The following COL5A1 variants were observed in gnomAD, a reference collection of about 807,000 sequenced individuals.
COL5A1 encodes collagen type V alpha 1 chain, also known as collagen alpha-1(V) chain.
In COL5A1, 16 loss-of-function variants were observed where a neutral mutation model predicts 263.7. The ratio of observed to expected loss-of-function variants is 0.06; its 90% confidence interval spans 0.04 to 0.09. The LOEUF (loss-of-function observed/expected upper bound fraction) is 0.09, where lower values mean the gene tolerates loss of function less well. COL5A1 is among the 10% of genes least tolerant of loss of function. COL5A1 has a pLI of 1.00. For synonymous variants in COL5A1, 1,012 were observed against 1,004.5 expected, an observed-to-expected ratio of 1.01 and a Z score of -0.14; for missense variants, 2,036 against 2,540.5, an observed-to-expected ratio of 0.80 and a Z score of 4.27.
rs372857096 is a variant in COL5A1 at position 134,842,572 on chromosome 9, C to T, written c.*269C>T. On this transcript the variant is annotated 3_prime_UTR_variant, in exon 66 of 66. Coordinates refer to ENST00000371817, the MANE Select transcript of COL5A1 (RefSeq NM_000093.5). The surrounding 1 kb of genome is among the most constrained non-coding windows in gnomAD (Gnocchi z 5.8). ...GCCCCACGCTCTGTCCACACCCACG[C>T]GCCCCGGGAGCGGGGCCATGCCTCC... 5,542 of 561,556 alleles carry T rather than the reference C, an allele frequency of 9.9e-3. 65 individuals carry two copies. Among genetic ancestry groups the T allele is most frequent in the South Asian group, 0.028 (1,355 of 48,270 alleles). The allele number at this position is 561,556 out of a possible 1,614,324, so 34.8% of individuals were successfully genotyped here.
chr9:134,673,484 A>C (rs1832600849), intron 1 of COL5A1, among the ~76,000 whole-genome samples: 1 of 151,510 alleles, frequency 6.6e-6, no homozygotes, highest in Non-Finnish European at 1.5e-5. Flanking sequence ...AAATGCTAAG[A>C]TACAATGGTG....
At chr9:134,782,598 C>T (rs966706751) in intron 28 of COL5A1, 69 bp from the exon 29 acceptor site, 3 of 1,431,010 alleles carry the variant, frequency 2.1e-6, no homozygotes, top group East Asian at 2.3e-5. Context: ...TTGTTTGGAG[C>T]GGGGAAGGGA....
chr9:134,798,743 G>A (rs767587890), intron 37 of COL5A1, among the ~76,000 whole-genome samples: 1 of 152,258 alleles, frequency 6.6e-6, no homozygotes, highest in Non-Finnish European at 1.5e-5. Flanking sequence ...ACTTTGGTGA[G>A]AGGCCACATT....
intron 1 of COL5A1, among the ~76,000 whole-genome samples, chr9:134,671,498 A>G (rs750847108): frequency 2.0e-5 from 3 of 152,218 alleles, no homozygotes; most frequent in Non-Finnish European, 4.4e-5. Context: ...TATTCCTCCC[A>G]AAGGTCACAG....
chr9:134,744,524 T>C (rs1207380889), intron 11 of COL5A1, among the ~76,000 whole-genome samples: 7 of 137,002 alleles, frequency 5.1e-5, no homozygotes, highest in African/African-American at 1.4e-4. Flanking sequence ...CACACCCCCA[T>C]ACATGCACAC....
Position 134,753,708 on chromosome 9 carries a change from CAGA to C in COL5A1, c.1720-141_1720-139del. The C allele has an allele frequency of 2.3e-5, 16 of 685,900 alleles. No individual in the cohort carries two copies. The South Asian group carries it at 2.5e-4, about 11-fold the overall frequency. The allele number at this position is 685,900 out of a possible 1,614,324, so 42.5% of individuals were successfully genotyped here. A position where few individuals can be genotyped will look rare whatever the true frequency, so the allele number is the denominator to read the frequency against. ...TTCTTCCCCCCGGTTCTGTTCGAGG[CAGA>C]CAGGTCGCGCTTTGTGTGCTGAGCA... On this transcript the variant is annotated intron_variant, in intron 14 of 65. Transcript: ENST00000371817.
In COL5A1 at chr9:134,650,825, C is replaced by T. The variant is rs62571327; in HGVS notation, c.109+8529C>T. ...TGCTCTGAGGGTGCTCCCGTCAGCA[C>T]CTGTGATCCTCAAACCCGCCCTTCG... On this transcript the variant is annotated intron_variant, in intron 1 of 65. Coordinates refer to ENST00000371817, the MANE Select transcript of COL5A1 (RefSeq NM_000093.5). Among the ~76,000 whole-genome samples the T allele has an allele frequency of 3.3e-5, 5 of 152,372 alleles. No homozygotes were observed. The East Asian group carries it at 5.8e-4, about 18-fold the overall frequency.
intron 1 of COL5A1, among the ~76,000 whole-genome samples, chr9:134,687,892 C>T (rs1479157931): frequency 6.6e-6 from 1 of 152,210 alleles, no homozygotes; most frequent in Non-Finnish European, 1.5e-5. Context: ...CCTTGACCCA[C>T]TGGGATCCAC....
intron 32 of COL5A1, among the ~76,000 whole-genome samples, chr9:134,793,292 A>T (rs1186247348): frequency 6.6e-6 from 1 of 152,050 alleles, no homozygotes; most frequent in Non-Finnish European, 1.5e-5. Flanking sequence ...GCTTCCCAGC[A>T]TGGCCATTGC....
chr9:134,713,825 G>A (rs1336658363), intron 4 of COL5A1, among the ~76,000 whole-genome samples: 1 of 152,186 alleles, frequency 6.6e-6, no homozygotes, highest in Non-Finnish European at 1.5e-5. Flanking sequence ...ACTGGGGTCT[G>A]AACCCGGGAC....
At chr9:134,786,434 C>A (rs567748903) in intron 31 of COL5A1, among the ~76,000 whole-genome samples, 1 of 152,180 alleles carries the variant, frequency 6.6e-6, no homozygotes, top group Non-Finnish European at 1.5e-5. Context: ...CTGCCCCAGT[C>A]GGCACAGACA....
In COL5A1 at chr9:134,786,826, C is replaced by G. The variant is rs549475065; in HGVS notation, c.2646+778C>G. On this transcript the variant is annotated intron_variant, in intron 31 of 65. Coordinates refer to ENST00000371817, the MANE Select transcript of COL5A1 (RefSeq NM_000093.5). ...CGTCTTTCTCAGATCTGCCTCTGCC[C>G]GAGGCATCTCCTTTTAGCCTCAGCA... Among the ~76,000 whole-genome samples the G allele has an allele frequency of 3.9e-5, 6 of 152,320 alleles. No individual in the cohort carries two copies. In the South Asian group the frequency reaches 1.0e-3, roughly 26 times the overall value.
In COL5A1 at chr9:134,814,043, G is replaced by A. The variant is rs200333878; in HGVS notation, c.3906+7G>A. ...GGGAGAAGGCGGCCCCCCGGTGAGTGAGCGGGCGCTGCGGGAGGGGTGGGA... is the reference window on the plus strand; with the variant it reads ...GGGAGAAGGCGGCCCCCCGGTGAGTAAGCGGGCGCTGCGGGAGGGGTGGGA... On this transcript the variant is annotated splice_region_variant and intron_variant, in intron 49 of 65. Transcript: ENST00000371817. 4.9e-5 allele frequency: 76 copies of A among 1,550,670 alleles called. No individual in the cohort carries two copies. Among genetic ancestry groups the A allele is most frequent in the Non-Finnish European group, 6.3e-5 (72 of 1,146,936 alleles).
chr9:134,763,698 C>T lies in COL5A1; in HGVS notation c.1995C>T (p.Asp665=), dbSNP rs765776659. 8 of 1,613,366 alleles carry T rather than the reference C, an allele frequency of 5.0e-6. No homozygotes were observed. Among genetic ancestry groups the T allele is most frequent in the East Asian group, 2.2e-5 (1 of 44,850 alleles). The change falls in exon 20 of 66, where the codon GAC becomes GAT. Residue 665 remains aspartate (D), a synonymous_variant. Coordinates refer to ENST00000371817, the MANE Select transcript of COL5A1 (RefSeq NM_000093.5). ...GPPGDDGERG[D]DGEVGPRGLP... Reference sequence around the variant, plus strand: ...GCCTTTTTTCTCCTCTGCAGGGTGACGACGGAGAAGTTGGGCCCAGGGGGC... The same window carrying T: ...GCCTTTTTTCTCCTCTGCAGGGTGATGACGGAGAAGTTGGGCCCAGGGGGC...
chr9:134,801,938 G>T lies in COL5A1; in HGVS notation c.2953-16G>T. On this transcript the variant is annotated splice_polypyrimidine_tract_variant and intron_variant, in intron 37 of 65. Transcript: ENST00000371817. ...GCCACTGCAGCACCGTCAGTGCAGT[G>T]ACTCTCTCTTCACAGGGTTTCCAAG... The T allele has an allele frequency of 6.2e-7, 1 of 1,613,190 alleles. No homozygotes were observed. The highest frequency in any genetic ancestry group is 1.3e-5 in the African/African-American group (1 of 75,066).
At chr9:134,737,114 G>A (rs531441319) in intron 9 of COL5A1, among the ~76,000 whole-genome samples, 33 of 152,326 alleles carry the variant, frequency 2.2e-4, no homozygotes, top group African/African-American at 6.5e-4. Context: ...TCCACCAGGC[G>A]TCATCCCAGG....
intron 18 of COL5A1, among the ~76,000 whole-genome samples, chr9:134,761,132 C>G (rs1448495355): frequency 6.6e-6 from 1 of 151,084 alleles, no homozygotes; most frequent in Non-Finnish European, 1.5e-5. Context: ...CACTCATACC[C>G]CCACATGCAT....
intron 9 of COL5A1, among the ~76,000 whole-genome samples, chr9:134,732,916 G>A (rs3124312): frequency 0.42 from 63,841 of 151,794 alleles, 14,791 homozygotes; most frequent in Admixed American, 0.59. Flanking sequence ...TTGATGCCCC[G>A]CCCCGCCGCC....
intron 1 of COL5A1, among the ~76,000 whole-genome samples, chr9:134,651,036 G>A (rs1334747316): frequency 6.6e-6 from 1 of 152,216 alleles, no homozygotes; most frequent in Non-Finnish European, 1.5e-5. Flanking sequence ...AGGTGAGGGC[G>A]GCGTGGCTCC....
Sources: allele counts gnomAD v4.1 joint callset (sites outside exome capture counted in the v4.1 genomes callset), GRCh38; gene constraint gnomAD v4.1.1; non-coding constraint Gnocchi (gnomAD v3.1); transcripts MANE v1.5; gene names NCBI Gene and HGNC (gene_info 2026-07-23, HGNC 2026-07-21).